UNC5C: variants seen among roughly 807,000 people sequenced by gnomAD.
UNC5C encodes the protein unc-5 netrin receptor C, also known as netrin receptor UNC5C.
In UNC5C, 47 loss-of-function variants were observed where a neutral mutation model predicts 99.8. The observed-to-expected ratio is 0.47, with a 90% CI of 0.37 to 0.60. The LOEUF is 0.60. Ranked by LOEUF, UNC5C falls within the 20% of genes least tolerant of loss-of-function variation. UNC5C has a pLI of 0.00. For missense variants in UNC5C, 1,062 were observed against 1,165.9 expected, an observed-to-expected ratio of 0.91 and a Z score of 1.30; for synonymous variants, 487 against 452.2, an observed-to-expected ratio of 1.08 and a Z score of -0.98.
intron 1 of UNC5C, among the ~76,000 whole-genome samples, chr4:95,394,065 T>C (rs1745439436): frequency 1.3e-5 from 2 of 152,268 alleles, no homozygotes; most frequent in South Asian, 4.1e-4. Flanking sequence ...CTGTACTGAC[T>C]ATTGTTAGTG....
intron 12 of UNC5C, among the ~76,000 whole-genome samples, chr4:95,186,704 A>G (rs1579210359): frequency 6.6e-6 from 1 of 152,322 alleles, no homozygotes; most frequent in East Asian, 1.9e-4. Context: ...AGATGAGGCA[A>G]TAGCACACTG....
chr4:95,487,464 T>C (rs17383596), intron 1 of UNC5C, among the ~76,000 whole-genome samples: 76,610 of 151,382 alleles, frequency 0.51, 19,584 homozygotes, highest in Admixed American at 0.54. Context: ...ATTAACTCTA[T>C]GGTATACTTT....
At chr4:95,214,754 T>G (rs1738191121) in intron 10 of UNC5C, among the ~76,000 whole-genome samples, 1 of 152,192 alleles carries the variant, frequency 6.6e-6, no homozygotes, top group African/African-American at 2.4e-5. Flanking sequence ...AAGGCCTTGA[T>G]GGATAGATGT....
intron 2 of UNC5C, among the ~76,000 whole-genome samples, chr4:95,311,664 A>T (rs916601895): frequency 2.0e-5 from 3 of 152,226 alleles, no homozygotes; most frequent in Non-Finnish European, 4.4e-5. Context: ...AGTCTTGTCC[A>T]GTCATTCATT....
chr4:95,256,436 CTCTT>C (rs989922629), intron 4 of UNC5C, among the ~76,000 whole-genome samples: 17 of 151,992 alleles, frequency 1.1e-4, no homozygotes, highest in African/African-American at 4.1e-4. Flanking sequence ...CACTTTTTTC[CTCTT>C]TCTTAGCCCA....
intron 5 of UNC5C, among the ~76,000 whole-genome samples, chr4:95,245,409 G>A (rs1428366694): frequency 6.6e-6 from 1 of 151,932 alleles, no homozygotes; most frequent in African/African-American, 2.4e-5. Context: ...CTTTTCTTTG[G>A]CCAGTGTTCT....
chr4:95,512,474 T>C (rs1262285524), intron 1 of UNC5C, among the ~76,000 whole-genome samples: 1 of 152,150 alleles, frequency 6.6e-6, no homozygotes, highest in Non-Finnish European at 1.5e-5. Flanking sequence ...AAACCAGGCA[T>C]GGTTCTGAAA....
chr4:95,535,347 C>T (rs1271527880), intron 1 of UNC5C, among the ~76,000 whole-genome samples: 1 of 152,116 alleles, frequency 6.6e-6, no homozygotes, highest in African/African-American at 2.4e-5. Context: ...CTGATGGTAA[C>T]CCTAATGGAA....
intron 3 of UNC5C, among the ~76,000 whole-genome samples, chr4:95,293,753 G>A (rs1331222392): frequency 6.6e-6 from 1 of 152,144 alleles, no homozygotes; most frequent in Admixed American, 6.5e-5. Flanking sequence ...CTGACTCACT[G>A]CTCCATATAC....
chr4:95,344,458 A>G (rs146554525), intron 1 of UNC5C, among the ~76,000 whole-genome samples: 3 of 152,248 alleles, frequency 2.0e-5, no homozygotes, highest in South Asian at 2.1e-4. Context: ...GAGTTCTTCA[A>G]TTGGAAAGAA....
At chr4:95,203,593 C>T (rs1005255467) in intron 11 of UNC5C, among the ~76,000 whole-genome samples, 35 of 152,136 alleles carry the variant, frequency 2.3e-4, no homozygotes, top group Admixed American at 2.1e-3. Context: ...CCTCAGCCTC[C>T]CAAGTAGCTG....
chr4:95,200,935 G>GTGA (rs1737630257), intron 12 of UNC5C, among the ~76,000 whole-genome samples: 1 of 152,024 alleles, frequency 6.6e-6, no homozygotes, highest in Non-Finnish European at 1.5e-5. Context: ...CCTTTGGGAG[G>GTGA]TGATTAGGTC....
chr4:95,267,429 C>T (rs531007477), intron 4 of UNC5C, among the ~76,000 whole-genome samples: 22 of 152,238 alleles, frequency 1.4e-4, no homozygotes, highest in African/African-American at 5.3e-4. Context: ...GTCTTATTTT[C>T]TGTTTCTAAC....
At position 95,404,497 on chromosome 4, in the gene UNC5C, T is replaced by G. The variant is rs1004296001; in HGVS notation, c.125-68866A>C. Reference sequence around the variant, plus strand: ...GCCAAAGCCCATGGATATAAATAGTTTTTTGCCTGTTACTATTCAACTGTA... The same window carrying G: ...GCCAAAGCCCATGGATATAAATAGTGTTTTGCCTGTTACTATTCAACTGTA... On this transcript the variant is annotated intron_variant, in intron 1 of 15. Coordinates refer to ENST00000453304, the MANE Select transcript of UNC5C (RefSeq NM_003728.4). Among the ~76,000 whole-genome samples the G allele has an allele frequency of 3.3e-5, 5 of 152,248 alleles. No homozygotes were observed. In the East Asian group the frequency reaches 7.7e-4, roughly 23 times the overall value.
chr4:95,483,706 T>C (rs1021922204), intron 1 of UNC5C, among the ~76,000 whole-genome samples: 2 of 151,844 alleles, frequency 1.3e-5, no homozygotes, highest in African/African-American at 4.8e-5. Context: ...CATCTCTTAA[T>C]AGAGTAGCTG....
chr4:95,477,523 G>C (rs1349042835), intron 1 of UNC5C, among the ~76,000 whole-genome samples: 1 of 152,044 alleles, frequency 6.6e-6, no homozygotes, highest in East Asian at 1.9e-4. Context: ...TTGCCTCCCA[G>C]ACAGAATTTT....
chr4:95,234,175 G>C (rs942933311), intron 7 of UNC5C, among the ~76,000 whole-genome samples: 17 of 152,084 alleles, frequency 1.1e-4, no homozygotes, highest in South Asian at 2.1e-4. Flanking sequence ...TGTAAAATGT[G>C]GGGGGTGGCT....
chr4:95,470,563 G>A (rs1277282178), intron 1 of UNC5C, among the ~76,000 whole-genome samples: 1 of 151,934 alleles, frequency 6.6e-6, no homozygotes, highest in Non-Finnish European at 1.5e-5. Context: ...GGCAGGTAGT[G>A]GACAATAAAG....
chr4:95,422,606 T>C (rs2054676), intron 1 of UNC5C, among the ~76,000 whole-genome samples: 8,004 of 152,238 alleles, frequency 0.053, 301 homozygotes, highest in South Asian at 0.098. Flanking sequence ...TGCAACAACA[T>C]CCGTCGCCTC....
Sources: allele counts gnomAD v4.1 joint callset (sites outside exome capture counted in the v4.1 genomes callset), GRCh38; gene constraint gnomAD v4.1.1; transcripts MANE v1.5; gene names NCBI Gene and HGNC (gene_info 2026-07-23, HGNC 2026-07-21).